The following GALNT10 variants were observed in gnomAD, a reference collection of about 807,000 sequenced individuals.
The protein encoded by GALNT10 is GalNAc transferase 10.
A neutral mutation model predicts 75.0 loss-of-function variants in GALNT10; 41 were observed. That is an observed-to-expected ratio of 0.55 (90% CI 0.43 to 0.71). The LOEUF is 0.71. Among genes scored for constraint, GALNT10 ranks in the 30% least tolerant of loss-of-function variants. The pLI, the probability that GALNT10 is intolerant of heterozygous loss-of-function variation, is 0.00. For missense variants in GALNT10, 727 were observed against 818.5 expected (o/e 0.89, Z 1.36); for synonymous variants, 302 against 313.0 (o/e 0.96, Z 0.37).
chr5:154,298,067 T>C lies in GALNT10; in HGVS notation c.389T>C (p.Ile130Thr), dbSNP rs369164195. The C allele has an allele frequency of 1.1e-5, 17 of 1,613,276 alleles. No homozygotes were observed. Among genetic ancestry groups the C allele is most frequent in the Non-Finnish European group, 1.2e-5 (14 of 1,179,524 alleles). The stretch of plus-strand genomic sequence containing the variant: ...TCCTTGAATCGCTCTCTCCCAGATA[T>C]CCGGCACCCAAAGTGAGTGTAACAT... ...KISLNRSLPD[I>T]RHPNCNSKRY... Residue 130 changes from isoleucine (I) to threonine (T), a missense_variant, in exon 3 of 12, where the codon ATC (isoleucine) becomes ACC (threonine). Physicochemically the swap from Ile to Thr is moderately conservative, Grantham distance 89. Coordinates refer to ENST00000297107, the MANE Select transcript of GALNT10 (RefSeq NM_198321.4). The surrounding 1 kb of genome is among the most constrained non-coding windows in gnomAD (Gnocchi z 4.1).
chr5:154,349,935 C>T (rs1051882840), intron 4 of GALNT10, among the ~76,000 whole-genome samples: 1 of 152,150 alleles, frequency 6.6e-6, no homozygotes, highest in Non-Finnish European at 1.5e-5. Flanking sequence ...TGGCTATTCA[C>T]ATTTAAATTA....
chr5:154,378,317 TATCATC>T (rs111591729), intron 5 of GALNT10, among the ~76,000 whole-genome samples: 62 of 150,992 alleles, frequency 4.1e-4, no homozygotes, highest in African/African-American at 1.3e-3. Context: ...TTTCCTTTTT[TATCATC>T]ATCATCATCA....
chr5:154,309,796 C>T (rs1159969225), intron 3 of GALNT10, among the ~76,000 whole-genome samples: 3 of 152,192 alleles, frequency 2.0e-5, no homozygotes, highest in Non-Finnish European at 4.4e-5. Context: ...CACTGTTTCA[C>T]ATCCAAATGT....
At chr5:154,408,011 T>A (rs1756316498) in intron 8 of GALNT10, among the ~76,000 whole-genome samples, 1 of 152,140 alleles carries the variant, frequency 6.6e-6, no homozygotes. Flanking sequence ...TAAGAATGGT[T>A]TTTACATTTT....
intron 1 of GALNT10, among the ~76,000 whole-genome samples, chr5:154,197,125 T>G (rs1169519042): frequency 2.0e-5 from 3 of 151,952 alleles, no homozygotes; most frequent in Non-Finnish European, 4.4e-5. Flanking sequence ...AGTTTGTTGC[T>G]GAGGACGGCT....
intron 5 of GALNT10, among the ~76,000 whole-genome samples, chr5:154,378,635 C>G (rs1755691489): frequency 6.6e-6 from 1 of 152,196 alleles, no homozygotes; most frequent in Non-Finnish European, 1.5e-5. Context: ...GAGATAGGTG[C>G]TGTCTTCCTC....
chr5:154,262,456 T>C (rs915751438), intron 1 of GALNT10, among the ~76,000 whole-genome samples: 3 of 152,136 alleles, frequency 2.0e-5, no homozygotes, highest in African/African-American at 7.2e-5. Flanking sequence ...CTACACCCCA[T>C]TGTAGTTCAG....
intron 1 of GALNT10, chr5:154,219,975 G>T (rs1476280014): frequency 1.3e-5 from 2 of 152,100 alleles, no homozygotes; most frequent in Non-Finnish European, 2.9e-5. Flanking sequence ...AGGCATAGGA[G>T]AATTTTTGTC....
chr5:154,193,564 A>T (rs940891103), intron 1 of GALNT10, among the ~76,000 whole-genome samples: 1 of 152,246 alleles, frequency 6.6e-6, no homozygotes. Context: ...TCAGCCTGTC[A>T]TTCTTGTAAT....
In GALNT10 at chr5:154,386,978, C is replaced by A. The variant is rs193056352; in HGVS notation, c.1056+548C>A. On this transcript the variant is annotated intron_variant, in intron 7 of 11. Coordinates refer to ENST00000297107, the MANE Select transcript of GALNT10 (RefSeq NM_198321.4). ...GACTTTGGGCAAGTTAGATCACCCC[C>A]CCGAGCTTTCTTTCCTCATCTGAAA... The A allele has an allele frequency of 3.9e-3, 617 of 159,586 alleles. 1 individual carries two copies. Among genetic ancestry groups the A allele is most frequent in the Non-Finnish European group, 5.2e-3 (381 of 73,478 alleles). 9.9% of individuals were successfully genotyped at this position (159,586 alleles called of 1,614,324 possible).
At position 154,259,573 on chromosome 5, in the gene GALNT10, T is replaced by C. The variant is rs537077115; in HGVS notation, c.160-35243T>C. Among the ~76,000 whole-genome samples the C allele has an allele frequency of 2.0e-5, 3 of 152,234 alleles. No individual in the cohort carries two copies. The South Asian group carries it at 6.2e-4, about 32-fold the overall frequency. ...GTGAAAGTGTAGCAAAGAAAACAGG[T>C]AGAAGTGAGTTATGTTGATTGAAAT... On this transcript the variant is annotated intron_variant, in intron 1 of 11. Transcript: ENST00000297107.
At chr5:154,403,937 G>A (rs146817588) in intron 7 of GALNT10, 167 bp from the exon 8 acceptor site, 100 of 685,122 alleles carry the variant, frequency 1.5e-4, no homozygotes, top group African/African-American at 1.1e-3. Context: ...TGTTTTTACC[G>A]CTGTTATTAT....
intron 4 of GALNT10, among the ~76,000 whole-genome samples, chr5:154,362,740 A>G (rs1755412377): frequency 6.6e-6 from 1 of 152,218 alleles, no homozygotes; most frequent in African/African-American, 2.4e-5. Flanking sequence ...AGTTTCACCT[A>G]TGATTGAATT....
chr5:154,410,247 A>G (rs1756368530), intron 9 of GALNT10, among the ~76,000 whole-genome samples: 2 of 152,290 alleles, frequency 1.3e-5, no homozygotes, highest in South Asian at 4.1e-4. Flanking sequence ...AGGCAAAGGA[A>G]CTAAGGAGCC....
chr5:154,380,491 T>A lies in GALNT10; in HGVS notation c.798T>A (p.Ile266=). The change falls in exon 6 of 12, where the codon ATT becomes ATA. Residue 266 remains isoleucine, a synonymous_variant. Transcript: ENST00000297107. ...RNRKTIVCPM[I]DVIDHDDFRY... ...GCAAGACCATTGTGTGCCCGATGAT[T>A]GATGTAATTGACCATGACGACTTTC... 1 of 1,614,082 alleles carries A rather than the reference T, an allele frequency of 6.2e-7. No individual in the cohort carries two copies. Among genetic ancestry groups the A allele is most frequent in the Non-Finnish European group, 8.5e-7 (1 of 1,179,996 alleles).
intron 3 of GALNT10, among the ~76,000 whole-genome samples, chr5:154,312,465 T>C (rs1754536624): frequency 6.6e-6 from 1 of 152,204 alleles, no homozygotes; most frequent in Non-Finnish European, 1.5e-5. Flanking sequence ...TATAGAGACA[T>C]ATGAATGGGG....
rs750157494 is a variant in GALNT10, at chr5:154,298,021, A to C, written c.343A>C (p.Ile115Leu). The change falls in exon 3 of 12, where the codon ATC becomes CTC. Residue 115 changes from isoleucine (I) to leucine (L), a missense_variant. Transcript: ENST00000297107. The surrounding 1 kb of genome is among the most constrained non-coding windows in gnomAD (Gnocchi z 4.1). The stretch of plus-strand genomic sequence containing the variant: ...GGCATACCGAGAAAATGGATTTAAC[A>C]TCTACGTCAGTGATAAAATCTCCTT... ...DQAYRENGFN[I>L]YVSDKISLNR... The C allele has an allele frequency of 6.2e-7, 1 of 1,613,474 alleles. No homozygotes were observed. The highest frequency in any genetic ancestry group is 1.7e-5 in the Admixed American group (1 of 60,028).
chr5:154,195,520 A>G (rs1465634595), intron 1 of GALNT10, among the ~76,000 whole-genome samples: 1 of 152,232 alleles, frequency 6.6e-6, no homozygotes, highest in Non-Finnish European at 1.5e-5. Flanking sequence ...AAAGCACAAG[A>G]TTTGGCTCTT....
chr5:154,305,836 GGT>G (rs970069977), intron 3 of GALNT10, among the ~76,000 whole-genome samples: 16 of 152,188 alleles, frequency 1.1e-4, no homozygotes, highest in African/African-American at 3.6e-4. Flanking sequence ...TGACCAACAT[GGT>G]GAAACCCTGT....
Sources: allele counts gnomAD v4.1 joint callset (sites outside exome capture counted in the v4.1 genomes callset), GRCh38; gene constraint gnomAD v4.1.1; non-coding constraint Gnocchi (gnomAD v3.1); transcripts MANE v1.5; gene names NCBI Gene and HGNC (gene_info 2026-07-23, HGNC 2026-07-21).